ATG4A: variants seen among roughly 807,000 people sequenced by gnomAD.
ATG4A encodes the protein autophagy related 4A cysteine peptidase, also known as cysteine protease ATG4A.
ATG4A carries 22 observed loss-of-function variants against 38.4 expected under a neutral mutation model. The ratio of observed to expected loss-of-function variants is 0.57; its 90% CI spans 0.41 to 0.82. The LOEUF is 0.82. ATG4A is among the 40% of genes least tolerant of loss of function. The pLI is 0.00. For missense variants in ATG4A, 220 were observed against 290.0 expected, an observed-to-expected ratio of 0.76 and a Z score of 1.75; for synonymous variants, 86 against 100.7, an observed-to-expected ratio of 0.85 and a Z score of 0.88.
chrX:108,122,553 C>T (rs775857611), intron 1 of ATG4A, among the ~76,000 whole-genome samples: 1 of 111,850 alleles, frequency 8.9e-6, no homozygotes, highest in South Asian at 3.8e-4. Flanking sequence ...AAACCAGCAG[C>T]CTGGCAGCCA....
At chrX:108,108,406 A>G (rs1246595551) in intron 1 of ATG4A, among the ~76,000 whole-genome samples, 2 of 109,332 alleles carry the variant, frequency 1.8e-5, no homozygotes, top group South Asian at 3.9e-4. Flanking sequence ...GTTTTTAGAT[A>G]TAGAGGGATA....
chrX:108,116,589 A>G (rs1223624708), intron 1 of ATG4A, among the ~76,000 whole-genome samples: 1 of 112,098 alleles, frequency 8.9e-6, no homozygotes, highest in Admixed American at 9.4e-5. Flanking sequence ...TTTGCTTTCT[A>G]GGTGACTACT....
intron 9 of ATG4A, among the ~76,000 whole-genome samples, chrX:108,145,909 A>G (rs2033411545): frequency 9.0e-6 from 1 of 111,672 alleles, no homozygotes; most frequent in South Asian, 3.8e-4. Context: ...CTAAAACTCC[A>G]TTAATTACCT....
intron 1 of ATG4A, among the ~76,000 whole-genome samples, chrX:108,112,243 A>AT (rs887103203): frequency 6.3e-5 from 7 of 111,667 alleles, no homozygotes; most frequent in Admixed American, 5.6e-4. Flanking sequence ...ACTCATTCTA[A>AT]TTTTTTTGTA....
chrX:108,091,326 C>T, upstream of ATG4A: 1 of 923,491 alleles, frequency 1.1e-6, no homozygotes, highest in Non-Finnish European at 1.6e-6. Flanking sequence ...AGAAACGGGG[C>T]CTCCGCTAGG....
chrX:108,126,512 A>G lies in ATG4A; in HGVS notation c.121+325A>G, dbSNP rs73251791. On this transcript the variant is annotated intron_variant, in intron 2 of 12. Coordinates refer to ENST00000372232, the MANE Select transcript of ATG4A (RefSeq NM_052936.5). ...AAGCCTTGGGTTTCAAAAAACACGG[A>G]CCCACTCCTGGTATCACTAATCAGT... Among the ~76,000 whole-genome samples, 28 of 111,932 alleles carry G rather than the reference A, an allele frequency of 2.5e-4. 1 individual carries two copies. Among genetic ancestry groups the G allele is most frequent in the Non-Finnish European group, 4.1e-4 (22 of 53,170 alleles).
intron 7 of ATG4A, 77 bp from the exon 8 acceptor site, chrX:108,137,727 C>A (rs1209006192): frequency 5.9e-5 from 59 of 1,006,128 alleles, no homozygotes; most frequent in Non-Finnish European, 9.3e-6. Context: ...GTGAGGTTCC[C>A]CTTAGTTTTG....
intron 9 of ATG4A, among the ~76,000 whole-genome samples, chrX:108,141,043 TATATAC>T (rs2033251209): frequency 2.7e-5 from 2 of 73,953 alleles, no homozygotes; most frequent in African/African-American, 5.1e-5. Flanking sequence ...TATATACATA[TATATAC>T]ATATATACGT....
intron 1 of ATG4A, among the ~76,000 whole-genome samples, chrX:108,107,418 T>A (rs1269245117): frequency 2.7e-5 from 3 of 112,451 alleles, no homozygotes; most frequent in East Asian, 2.8e-4. Flanking sequence ...TATAAAAAAA[T>A]TTGTTTTCAG....
chrX:108,091,427 G>T, upstream of ATG4A: 1 of 1,211,986 alleles, frequency 8.3e-7, no homozygotes, highest in Non-Finnish European at 1.1e-6. Flanking sequence ...CTAGTAGCCA[G>T]GGATTTATCG....
rs772632658 is a variant in ATG4A at position 108,134,163 on chromosome X, G to C, written c.394+5G>C. 8.4e-7 allele frequency: 1 copy of C among 1,191,133 alleles called. No homozygotes were observed. Among genetic ancestry groups the C allele is most frequent in the Non-Finnish European group, 1.1e-6 (1 of 880,318 alleles). ...GCTACTCTATCCATCAAATGGGTAA[G>C]GTCATAAATCAATAGTTTAAAGGCA... is the stretch of plus-strand genomic sequence containing the variant. On this transcript the variant is annotated splice_donor_5th_base_variant and intron_variant, in intron 5 of 12. Transcript: ENST00000372232.
At chrX:108,137,009 G>T (rs759535329) in intron 6 of ATG4A, 82 bp from the exon 7 acceptor site, 10 of 847,305 alleles carry the variant, frequency 1.2e-5, no homozygotes, top group Non-Finnish European at 1.7e-5. Flanking sequence ...GTGACTTTAG[G>T]AACACTGGGC....
Position 108,129,569 on chromosome X carries a change from CT to C in ATG4A, c.193+736del, listed in dbSNP as rs764613277. ...GGTCACACAGACTTTTCTTTTCTTT[CT>C]TTTTTTTTTTTTTTTTTTGAGACGG... On this transcript the variant is annotated intron_variant, in intron 3 of 12. Transcript: ENST00000372232. 5.5e-3 allele frequency among the ~76,000 whole-genome samples: 531 copies of C among 96,163 alleles called. 5 individuals are homozygous for C. Among genetic ancestry groups the C allele is most frequent in the African/African-American group, 0.017 (441 of 26,699 alleles). 83.5% of individuals were successfully genotyped at this position (96,163 alleles called of 115,157 possible).
At chrX:108,125,780 A>G (rs1230162608) in intron 1 of ATG4A, among the ~76,000 whole-genome samples, 2 of 112,054 alleles carry the variant, frequency 1.8e-5, no homozygotes, top group African/African-American at 3.2e-5. Context: ...TTGGCTATTT[A>G]CAAAGAAGGC....
At chrX:108,148,687 C>T (rs987862528) in intron 9 of ATG4A, among the ~76,000 whole-genome samples, 1 of 111,591 alleles carries the variant, frequency 9.0e-6, no homozygotes, top group African/African-American at 3.3e-5. Context: ...TCCTTTCCCT[C>T]AGACCTTTCT....
intron 1 of ATG4A, among the ~76,000 whole-genome samples, chrX:108,125,722 C>T (rs2032780260): frequency 8.9e-6 from 1 of 111,897 alleles, no homozygotes. Flanking sequence ...GTTAGGTATG[C>T]AGGTATTGTA....
At chrX:108,142,374 T>A (rs1391952018) in intron 9 of ATG4A, among the ~76,000 whole-genome samples, 1 of 110,734 alleles carries the variant, frequency 9.0e-6, no homozygotes, top group Non-Finnish European at 1.9e-5. Context: ...TGAGCCAAGA[T>A]TGTGCCACTG....
Position 108,134,174 on chromosome X carries a change from A to G in ATG4A, c.394+16A>G. The G allele has an allele frequency of 8.5e-7, 1 of 1,182,439 alleles. No homozygotes were observed. The highest frequency in any genetic ancestry group is 1.1e-6 in the Non-Finnish European group (1 of 872,407). Reference sequence around the variant, plus strand: ...CATCAAATGGGTAAGGTCATAAATCAATAGTTTAAAGGCAGTGCCTATTCC... The same window carrying G: ...CATCAAATGGGTAAGGTCATAAATCGATAGTTTAAAGGCAGTGCCTATTCC... On this transcript the variant is annotated intron_variant, in intron 5 of 12. Coordinates refer to ENST00000372232, the MANE Select transcript of ATG4A (RefSeq NM_052936.5).
chrX:108,131,287 G>A lies in ATG4A; in HGVS notation c.221G>A (p.Gly74Asp). 1 of 1,211,815 alleles carries A rather than the reference G, an allele frequency of 8.3e-7. No homozygotes were observed. Among genetic ancestry groups the A allele is most frequent in the Non-Finnish European group, 1.1e-6 (1 of 895,517 alleles). Reference protein sequence around the residue: ...IGGTGPSSDAGWGCMLRCGQM... With the variant: ...IGGTGPSSDADWGCMLRCGQM... ...GGAACGGGCCCTTCATCAGATGCTG[G>A]TTGGGGATGTATGCTACGCTGTGGA... Residue 74 changes from glycine to aspartate, a missense_variant, in exon 4 of 13, where the codon GGT (glycine) becomes GAT (aspartate). This residue lies in a region of ATG4A where 61 missense variants were observed against 83.3 expected (regional missense o/e 0.73). Transcript: ENST00000372232.
Sources: gnomAD v4.1 joint callset for allele counts (sites outside exome capture counted in the v4.1 genomes callset) on GRCh38, gnomAD v4.1.1 for gene constraint, gnomAD v4.1.1 regional missense constraint, MANE v1.5 for transcripts, NCBI Gene and HGNC (gene_info 2026-07-23, HGNC 2026-07-21) for gene names.